ZDBF2: variants seen among roughly 807,000 people sequenced by gnomAD.
The protein encoded by ZDBF2 is DBF4-type zinc finger-containing protein 2.
In ZDBF2, 6 loss-of-function variants were observed where a neutral mutation model predicts 9.4. The ratio of observed to expected loss-of-function variants is 0.64; its 90% CI spans 0.35 to 1.27. ZDBF2 has a LOEUF of 1.27. ZDBF2 is among the 50% of genes most tolerant of loss of function. ZDBF2 has a pLI of 0.03. For synonymous variants in ZDBF2, 905 were observed against 946.3 expected (o/e 0.96, Z 0.80); for missense variants, 2,697 against 2,766.8 (o/e 0.97, Z 0.57).
intron 3 of ZDBF2, among the ~76,000 whole-genome samples, chr2:206,282,815 A>G (rs186495507): frequency 6.6e-6 from 1 of 152,356 alleles, no homozygotes; most frequent in African/African-American, 2.4e-5. Context: ...CTAATTCCAG[A>G]ACATTTTAAT....
In ZDBF2 at chr2:206,310,483, C is replaced by A. The variant is rs147027026; in HGVS notation, c.5955C>A (p.Val1985=). ...ATGACAGAAAAACCAAAAAGAAAGTCAAAATTGGGACAGTTGAATTTCCTG... is the reference window on the plus strand; with the variant it reads ...ATGACAGAAAAACCAAAAAGAAAGTAAAAATTGGGACAGTTGAATTTCCTG... ...LQDDRKTKKK[V]KIGTVEFPAS... The change falls in exon 5 of 5, where the codon GTC becomes GTA. Residue 1985 remains valine, a synonymous_variant. Coordinates refer to ENST00000374423, the MANE Select transcript of ZDBF2 (RefSeq NM_020923.3). 246 of 1,613,590 alleles carry A rather than the reference C, an allele frequency of 1.5e-4. No individual in the cohort carries two copies. The African/African-American group carries it at 3.0e-3, about 20-fold the overall frequency.
Position 206,306,571 on chromosome 2 carries a change from A to C in ZDBF2, c.2043A>C (p.Gln681His). The change falls in exon 5 of 5, where the codon CAA becomes CAC. Residue 681 changes from glutamine to histidine, a missense_variant. This residue lies in a region of ZDBF2 where 910 missense variants were observed against 973.6 expected (regional missense o/e 0.93). Coordinates refer to ENST00000374423, the MANE Select transcript of ZDBF2 (RefSeq NM_020923.3). ...QADAQLADQS[Q>H]VAEIERQKVD... ...ATGCTCAATTAGCTGACCAGTCTCA[A>C]GTAGCCGAAATAGAGCGTCAGAAAG... 1 of 1,613,714 alleles carries C rather than the reference A, an allele frequency of 6.2e-7. No homozygotes were observed. The highest frequency in any genetic ancestry group is 8.5e-7 in the Non-Finnish European group (1 of 1,179,766).
At position 206,314,126 on chromosome 2, in the gene ZDBF2, C is replaced by T. The variant is rs1693299166; in HGVS notation, c.*2533C>T. 6.6e-6 allele frequency: 1 copy of T among 151,992 alleles called. No individual in the cohort carries two copies. The highest frequency in any genetic ancestry group is 2.4e-5 in the African/African-American group (1 of 41,394). The allele number at this position is 151,992 out of a possible 1,614,324, so 9.4% of individuals were successfully genotyped here. On this transcript the variant is annotated 3_prime_UTR_variant, in exon 5 of 5. Transcript: ENST00000374423. ...TTACGACCATAATGAGTATTTTAAT[C>T]TTGTTCTTGTTCAGTATTTTGCGTA...
In ZDBF2 at chr2:206,304,738, T is replaced by C. The variant is rs941037458; in HGVS notation, c.210T>C (p.His70=). Residue 70 remains histidine (H), a synonymous_variant, in exon 5 of 5, where the codon CAT becomes CAC. Transcript: ENST00000374423. The part of the protein sequence containing the change: ...QESSSTQDET[H]VNTGSSSEVV... ...TTAGTTCAACACAAGATGAGACACATGTGAATACTGGGTCATCGTCTGAAG... is the reference window on the plus strand; with the variant it reads ...TTAGTTCAACACAAGATGAGACACACGTGAATACTGGGTCATCGTCTGAAG... The C allele has an allele frequency of 5.6e-6, 9 of 1,611,970 alleles. No individual in the cohort carries two copies. In the East Asian group the frequency reaches 1.1e-4, roughly 20 times the overall value.
chr2:206,311,015 G>A lies in ZDBF2; in HGVS notation c.6487G>A (p.Val2163Ile). The A allele has an allele frequency of 6.2e-7, 1 of 1,611,054 alleles. No homozygotes were observed. The highest frequency in any genetic ancestry group is 8.5e-7 in the Non-Finnish European group (1 of 1,179,234). ...HDVVKISPKS[V>I]RNKLLESQSK... Reference sequence around the variant, plus strand: ...TGTTGTCAAAATCTCTCCAAAATCAGTTAGAAATAAGCTTTTGGAAAGTCA... The same window carrying A: ...TGTTGTCAAAATCTCTCCAAAATCAATTAGAAATAAGCTTTTGGAAAGTCA... Residue 2163 changes from valine to isoleucine, a missense_variant, in exon 5 of 5, where the codon GTT becomes ATT. Around this residue, in one of 3 missense-constraint regions of ZDBF2, gnomAD observed 1,783 missense variants for 1,776.5 expected, o/e 1.00. Coordinates refer to ENST00000374423, the MANE Select transcript of ZDBF2 (RefSeq NM_020923.3).
chr2:206,277,458 G>A (rs889825524), intron 1 of ZDBF2, among the ~76,000 whole-genome samples: 3 of 38,288 alleles, frequency 7.8e-5, no homozygotes, highest in African/African-American at 1.8e-4. Context: ...AATGAAATAA[G>A]AAGGTGAACA....
In ZDBF2 at chr2:206,305,272, A is replaced by G. The variant is rs1380823821; in HGVS notation, c.744A>G (p.Ser248=). ...PVPSSHVETT[S]FSYQKHKESN... ...CATCATCCCATGTAGAAACTACTTC[A>G]TTTTCGTATCAGAAACATAAAGAAT... The change falls in exon 5 of 5, where the codon TCA becomes TCG. Residue 248 remains serine, a synonymous_variant. Transcript: ENST00000374423. The G allele has an allele frequency of 3.1e-6, 5 of 1,613,242 alleles. No individual in the cohort carries two copies. The highest frequency in any genetic ancestry group is 1.6e-4 in the Middle Eastern group (1 of 6,078).
chr2:206,301,772 A>G (rs1692511806), intron 4 of ZDBF2, among the ~76,000 whole-genome samples: 1 of 151,618 alleles, frequency 6.6e-6, no homozygotes, highest in Non-Finnish European at 1.5e-5. Context: ...TTTCATCTTC[A>G]TTAATTTTTT....
intron 1 of ZDBF2, among the ~76,000 whole-genome samples, chr2:206,277,750 C>G (rs1477680447): frequency 7.0e-6 from 1 of 143,398 alleles, no homozygotes. Context: ...AAAAAAGCAA[C>G]AGTCCCCATA....
intron 3 of ZDBF2, among the ~76,000 whole-genome samples, chr2:206,289,347 A>AT (rs1229453423): frequency 6.6e-6 from 1 of 152,006 alleles, no homozygotes; most frequent in African/African-American, 2.4e-5. Context: ...GCAATTCAGG[A>AT]TGCTACTTCA....
rs764647457 is a variant in ZDBF2, at chr2:206,309,692, C to G, written c.5164C>G (p.Arg1722Gly). Residue 1722 changes from arginine (R) to glycine (G), a missense_variant, in exon 5 of 5, where the codon CGA becomes GGA. Arg to Gly is a moderately radical substitution (Grantham distance 125). Transcript: ENST00000374423. Reference protein sequence around the residue: ...FGASSKSALHRRADKKKRSKL... With the variant: ...FGASSKSALHGRADKKKRSKL... ...TGCCTCTTCCAAGTCAGCGCTCCAT[C>G]GAAGGGCTGATAAAAAAAAACGTTC... is the stretch of plus-strand genomic sequence containing the variant. 1 of 1,613,726 alleles carries G rather than the reference C, an allele frequency of 6.2e-7. No individual in the cohort carries two copies. Among genetic ancestry groups the G allele is most frequent in the Non-Finnish European group, 8.5e-7 (1 of 1,179,838 alleles).
Position 206,307,772 on chromosome 2 carries a change from T to G in ZDBF2, c.3244T>G (p.Phe1082Val), listed in dbSNP as rs780541614. 4 of 1,610,964 alleles carry G rather than the reference T, an allele frequency of 2.5e-6. No homozygotes were observed. The highest frequency in any genetic ancestry group is 3.4e-6 in the Non-Finnish European group (4 of 1,179,180). Residue 1082 changes from phenylalanine to valine, a missense_variant, in exon 5 of 5, where the codon TTT (phenylalanine) becomes GTT (valine). Coordinates refer to ENST00000374423, the MANE Select transcript of ZDBF2 (RefSeq NM_020923.3). ...NSKSGDSKIT[F>V]DSEQLQEAVK... is the part of the protein sequence containing the mutation. ...TAAATCAGGTGATTCTAAAATAACT[T>G]TTGATTCTGAACAACTTCAGGAAGC...
At chr2:206,293,232 T>C (rs1691989792) in intron 3 of ZDBF2, among the ~76,000 whole-genome samples, 1 of 152,156 alleles carries the variant, frequency 6.6e-6, no homozygotes, top group Admixed American at 6.5e-5. Flanking sequence ...TAAATGATAC[T>C]GGGTCAATTG....
At chr2:206,278,295 A>G (rs955536623) in intron 1 of ZDBF2, among the ~76,000 whole-genome samples, 4 of 152,218 alleles carry the variant, frequency 2.6e-5, no homozygotes, top group Non-Finnish European at 4.4e-5. Context: ...ATACATGACT[A>G]TGCTTTAAGG....
In ZDBF2 at chr2:206,284,231, A is replaced by G. The variant is rs368841694; in HGVS notation, c.60+2322A>G. 3.3e-5 allele frequency among the ~76,000 whole-genome samples: 5 copies of G among 152,034 alleles called. No homozygotes were observed. The East Asian group carries it at 5.8e-4, about 18-fold the overall frequency. ...TTTCATAGAAATCATGTTAAAATTC[A>G]TGCGCATCAGAGCTCTCCCTGTGCT... On this transcript the variant is annotated intron_variant, in intron 3 of 4. Coordinates refer to ENST00000374423, the MANE Select transcript of ZDBF2 (RefSeq NM_020923.3).
chr2:206,293,858 T>G (rs1245665039), intron 3 of ZDBF2, among the ~76,000 whole-genome samples: 1 of 152,138 alleles, frequency 6.6e-6, no homozygotes, highest in Non-Finnish European at 1.5e-5. Flanking sequence ...GCTGAACATA[T>G]GCAAATTTTA....
Position 206,304,890 on chromosome 2 carries a change from C to G in ZDBF2, c.362C>G (p.Pro121Arg), listed in dbSNP as rs200691482. ...SEPIEELHSR[P>R]HKSQEGTQEV... ...CCTATTGAAGAGTTACATTCCAGACCTCATAAATCTCAGGAAGGCACGCAG... is the reference window on the plus strand; with the variant it reads ...CCTATTGAAGAGTTACATTCCAGACGTCATAAATCTCAGGAAGGCACGCAG... The change falls in exon 5 of 5, where the codon CCT (proline) becomes CGT (arginine). Residue 121 changes from proline (P) to arginine (R), a missense_variant. Pro to Arg is a moderately radical substitution (Grantham distance 103, BLOSUM62 -2). Transcript: ENST00000374423. 97 of 1,613,624 alleles carry G rather than the reference C, an allele frequency of 6.0e-5. No individual in the cohort carries two copies. The highest frequency in any genetic ancestry group is 8.1e-5 in the Non-Finnish European group (96 of 1,179,780).
At chr2:206,291,878 C>T (rs1425875456) in intron 3 of ZDBF2, among the ~76,000 whole-genome samples, 2 of 152,004 alleles carry the variant, frequency 1.3e-5, no homozygotes, top group Admixed American at 1.3e-4. Flanking sequence ...AAGTATTTAA[C>T]AGAAACAATG....
intron 3 of ZDBF2, among the ~76,000 whole-genome samples, chr2:206,292,488 G>A (rs1691947856): frequency 6.6e-6 from 1 of 152,152 alleles, no homozygotes; most frequent in Non-Finnish European, 1.5e-5. Flanking sequence ...AAATAGGTTT[G>A]ATGCTTGAAT....
Sources: allele counts gnomAD v4.1 joint callset (sites outside exome capture counted in the v4.1 genomes callset), GRCh38; gene constraint gnomAD v4.1.1; regional missense constraint gnomAD v4.1.1; transcripts MANE v1.5; gene names NCBI Gene and HGNC (gene_info 2026-07-23, HGNC 2026-07-21).